CLNK: variants seen among roughly 807,000 people sequenced by gnomAD.
CLNK encodes cytokine dependent hematopoietic cell linker, also known as cytokine-dependent hematopoietic cell linker.
A neutral mutation model predicts 68.6 loss-of-function variants in CLNK; 74 were observed. That is an observed-to-expected ratio of 1.08 (90% CI 0.89 to 1.31). The LOEUF is 1.31. Ranked by LOEUF, CLNK falls within the 50% of genes most tolerant of loss-of-function variation. The pLI, the probability that CLNK is intolerant of heterozygous loss-of-function variation, is 0.00. For missense variants in CLNK, 553 were observed against 515.3 expected (o/e 1.07, Z -0.71); for synonymous variants, 198 against 172.2 (o/e 1.15, Z -1.17).
intron 2 of CLNK, among the ~76,000 whole-genome samples, chr4:10,645,757 T>C (rs1723483137): frequency 6.6e-6 from 1 of 152,198 alleles, no homozygotes; most frequent in Non-Finnish European, 1.5e-5. Flanking sequence ...AAGTAAGTTC[T>C]AGTATTCAAG....
At chr4:10,536,507 A>G (rs1718766077) in intron 11 of CLNK, among the ~76,000 whole-genome samples, 1 of 152,174 alleles carries the variant, frequency 6.6e-6, no homozygotes, top group East Asian at 1.9e-4. Context: ...GGGGCTGTGC[A>G]GGTTTTTGCC....
intron 1 of CLNK, among the ~76,000 whole-genome samples, chr4:10,679,754 A>T (rs1354407966): frequency 1.3e-5 from 2 of 152,220 alleles, no homozygotes; most frequent in Non-Finnish European, 2.9e-5. Flanking sequence ...CAGCCAAAAA[A>T]CACATGAAAA....
At chr4:10,660,527 A>T (rs1239886892) in intron 2 of CLNK, among the ~76,000 whole-genome samples, 1 of 152,228 alleles carries the variant, frequency 6.6e-6, no homozygotes, top group Non-Finnish European at 1.5e-5. Context: ...CATTACTTAC[A>T]TGATAACAAA....
chr4:10,719,415 A>G, the CLNK span, among the ~76,000 whole-genome samples: 2 of 152,100 alleles, frequency 1.3e-5, no homozygotes, highest in South Asian at 4.1e-4. Context: ...GAGTGACTGT[A>G]TTAACATTAG....
intron 3 of CLNK, among the ~76,000 whole-genome samples, chr4:10,587,235 G>T (rs1721002933): frequency 6.6e-6 from 1 of 152,126 alleles, no homozygotes; most frequent in African/African-American, 2.4e-5. Context: ...CAAAGTGCTG[G>T]GATTACAGGT....
intron 2 of CLNK, among the ~76,000 whole-genome samples, chr4:10,643,609 G>A (rs774258956): frequency 2.6e-5 from 4 of 152,250 alleles, no homozygotes; most frequent in African/African-American, 4.8e-5. Flanking sequence ...GATTGGTACA[G>A]GGTGGATGAG....
intron 11 of CLNK, among the ~76,000 whole-genome samples, chr4:10,535,213 G>GAGAAAGGAAGAA (rs1718700362): frequency 1.5e-5 from 2 of 131,298 alleles, no homozygotes; most frequent in South Asian, 2.6e-4. Context: ...AAGAAAGAAA[G>GAGAAAGGAAGAA]AGAAAGAAAG....
At chr4:10,496,735 G>A (rs80160041) in intron 18 of CLNK, among the ~76,000 whole-genome samples, 267 of 152,298 alleles carry the variant, frequency 1.8e-3, no homozygotes, top group Non-Finnish European at 2.9e-3. Context: ...AAACACTTCA[G>A]TTATGACAGG....
intron 7 of CLNK, among the ~76,000 whole-genome samples, chr4:10,561,987 A>C (rs1165459084): frequency 4.6e-5 from 7 of 152,186 alleles, no homozygotes; most frequent in South Asian, 2.1e-4. Context: ...CTAAAATAGC[A>C]CCTGACCTCA....
intron 2 of CLNK, among the ~76,000 whole-genome samples, chr4:10,654,384 AATAT>A (rs71281268): frequency 4.8e-5 from 4 of 84,136 alleles, no homozygotes; most frequent in Admixed American, 1.2e-4. Context: ...ATATTGATTA[AATAT>A]ATATATATAT....
chr4:10,629,408 C>T (rs1010581482), intron 2 of CLNK, among the ~76,000 whole-genome samples: 21 of 152,210 alleles, frequency 1.4e-4, no homozygotes, highest in African/African-American at 4.8e-4. Context: ...GAGGCAGGCT[C>T]CCTTTCCCAA....
At chr4:10,559,593 T>C (rs918805283) in intron 7 of CLNK, among the ~76,000 whole-genome samples, 12 of 152,128 alleles carry the variant, frequency 7.9e-5, no homozygotes, top group Non-Finnish European at 1.3e-4. Context: ...AGCCTGGTCA[T>C]GGAGGCAGGA....
At chr4:10,706,892 G>C in the CLNK span, among the ~76,000 whole-genome samples, 1 of 152,166 alleles carries the variant, frequency 6.6e-6, no homozygotes, top group Non-Finnish European at 1.5e-5. Context: ...ATTTCTGGCC[G>C]TGATGGGAAG....
chr4:10,571,560 T>A (rs1245974038), intron 5 of CLNK, among the ~76,000 whole-genome samples, 181 bp downstream of exon 5: 3 of 152,124 alleles, frequency 2.0e-5, no homozygotes, highest in Non-Finnish European at 2.9e-5. Flanking sequence ...GGTCTTGAAC[T>A]CCTGGCCTCA....
chr4:10,660,549 A>C (rs1300783615), intron 2 of CLNK, among the ~76,000 whole-genome samples: 2 of 152,242 alleles, frequency 1.3e-5, no homozygotes, highest in Non-Finnish European at 2.9e-5. Flanking sequence ...TCATGCATTA[A>C]GTACATCAGA....
At chr4:10,571,649 T>A (rs1720358638) in intron 5 of CLNK, 92 bp downstream of exon 5, 1 of 1,085,160 alleles carries the variant, frequency 9.2e-7, no homozygotes, top group African/African-American at 1.6e-5. Context: ...TACTGTTGAT[T>A]TTTAAACATT....
At chr4:10,530,416 G>T (rs1263610693) in intron 12 of CLNK, among the ~76,000 whole-genome samples, 1 of 152,202 alleles carries the variant, frequency 6.6e-6, no homozygotes, top group Non-Finnish European at 1.5e-5. Flanking sequence ...AGCTTGCCCT[G>T]ATGGGCTTTT....
rs368782193 is a variant in CLNK at position 10,678,685 on chromosome 4, A to G, written c.-43+5983T>C. On this transcript the variant is annotated intron_variant, in intron 1 of 18. Transcript: ENST00000226951. Reference sequence around the variant, plus strand: ...TAGGCAACTTCAGCAAAGTCTCAGGATACAAAATCAATGTGCAAAAATCAC... The same window carrying G: ...TAGGCAACTTCAGCAAAGTCTCAGGGTACAAAATCAATGTGCAAAAATCAC... Among the ~76,000 whole-genome samples the G allele has an allele frequency of 1.2e-4, 19 of 152,252 alleles. 1 individual carries two copies. In the East Asian group the frequency reaches 2.5e-3, roughly 20 times the overall value.
chr4:10,504,523 C>T (rs1030409119), intron 17 of CLNK, among the ~76,000 whole-genome samples: 3 of 152,214 alleles, frequency 2.0e-5, no homozygotes, highest in Non-Finnish European at 4.4e-5. Flanking sequence ...TACCCTAAAG[C>T]ATCACGGTTA....
Sources: gnomAD v4.1 joint callset for allele counts (sites outside exome capture counted in the v4.1 genomes callset) on GRCh38, gnomAD v4.1.1 for gene constraint, MANE v1.5 for transcripts, NCBI Gene and HGNC (gene_info 2026-07-23, HGNC 2026-07-21) for gene names.